Variants in COPB2 observed in about 807,000 individuals in gnomAD.
COPB2 encodes the protein coat protein complex I subunit beta 2.
Under a neutral mutation model 120.8 loss-of-function variants are expected in COPB2, and 16 were observed. That is an observed-to-expected ratio of 0.13 (90% CI 0.09 to 0.20). The LOEUF (loss-of-function observed/expected upper bound fraction) is 0.20. Ranked by LOEUF, COPB2 falls within the 10% of genes least tolerant of loss-of-function variation. The pLI, the probability that COPB2 is intolerant of heterozygous loss-of-function variation, is 1.00. For synonymous variants in COPB2, 332 were observed against 366.3 expected (o/e 0.91, Z 1.07); for missense variants, 794 against 1,076.5 (o/e 0.74, Z 3.67).
chr3:139,374,955 G>T (rs1941688864), intron 6 of COPB2, among the ~76,000 whole-genome samples: 1 of 152,042 alleles, frequency 6.6e-6, no homozygotes, highest in South Asian at 2.1e-4. Flanking sequence ...TTTTATTCTG[G>T]ATTTAAGTAC....
intron 7 of COPB2, among the ~76,000 whole-genome samples, chr3:139,374,018 T>TA (rs1941672711): frequency 1.3e-5 from 2 of 152,246 alleles, no homozygotes; most frequent in South Asian, 4.1e-4. Flanking sequence ...AACTAAGAAT[T>TA]ACGATTTTAA....
At chr3:139,363,244 C>T (rs1941457021) in intron 15 of COPB2, among the ~76,000 whole-genome samples, 1 of 152,186 alleles carries the variant, frequency 6.6e-6, no homozygotes, top group African/African-American at 2.4e-5. Flanking sequence ...AACAACCAGT[C>T]TGTGGCCTGT....
chr3:139,369,361 T>C lies in COPB2; in HGVS notation c.1301A>G (p.Tyr434Cys). ...TCTGACTCCCAATAAGAAGCCGCCGTAGATACCTAAAGGGAACATAAAAAG... is the reference window on the plus strand; with the variant it reads ...TCTGACTCCCAATAAGAAGCCGCCGCAGATACCTAAAGGGAACATAAAAAG... ...FKPDFGAESI[Y>C]GGFLLGVRSV... is the part of the protein sequence containing the mutation. The change falls in exon 12 of 22, where the codon TAC becomes TGC. Residue 434 changes from tyrosine (Y) to cysteine (C), a missense_variant. By Grantham distance (194) the Tyr-to-Cys change is radical. Around this residue, in one of 3 missense-constraint regions of COPB2, gnomAD observed 610 missense variants for 866.7 expected, o/e 0.70. Coordinates refer to ENST00000333188, the MANE Select transcript of COPB2 (RefSeq NM_004766.3). 2.5e-6 allele frequency: 4 copies of C among 1,613,262 alleles called. No homozygotes were observed. Among genetic ancestry groups the C allele is most frequent in the Non-Finnish European group, 2.5e-6 (3 of 1,179,598 alleles).
chr3:139,386,677 A>G (rs1433137640), intron 1 of COPB2, among the ~76,000 whole-genome samples: 2 of 152,166 alleles, frequency 1.3e-5, no homozygotes, highest in Non-Finnish European at 2.9e-5. Flanking sequence ...AGAGTCTATT[A>G]TGTACCAGGC....
chr3:139,368,122 G>GA, intron 13 of COPB2, 23 bp downstream of exon 13: 2 of 1,597,416 alleles, frequency 1.3e-6, no homozygotes, highest in Non-Finnish European at 1.7e-6. Flanking sequence ...AGCTGAAAGC[G>GA]AAAGTTGTGC....
In COPB2 at chr3:139,369,448, A is replaced by G. The variant is rs1941583310; in HGVS notation, c.1294+8T>C. ...TTTAAAAATGTATCATATGTAGATC[A>G]CACTCACTTTCTGCTCCAAAATCTG... On this transcript the variant is annotated splice_region_variant and intron_variant, in intron 11 of 21. Coordinates refer to ENST00000333188, the MANE Select transcript of COPB2 (RefSeq NM_004766.3). The G allele has an allele frequency of 6.2e-7, 1 of 1,607,780 alleles. No individual in the cohort carries two copies. Among genetic ancestry groups the G allele is most frequent in the Non-Finnish European group, 8.5e-7 (1 of 1,176,700 alleles).
intron 10 of COPB2, among the ~76,000 whole-genome samples, chr3:139,370,743 G>A (rs1019208766): frequency 2.0e-5 from 3 of 152,210 alleles, no homozygotes; most frequent in Non-Finnish European, 2.9e-5. Flanking sequence ...GCTGAGCAAG[G>A]TCTTGGCTGG....
At chr3:139,360,191 G>A (rs1427737542) in intron 17 of COPB2, among the ~76,000 whole-genome samples, 2 of 30,516 alleles carry the variant, frequency 6.6e-5, no homozygotes. Context: ...GTATGGGATT[G>A]TAAAAAAAAA....
chr3:139,361,494 ACAAAT>A (rs1941419386), intron 16 of COPB2, among the ~76,000 whole-genome samples, 199 bp from the exon 17 acceptor site: 1 of 151,158 alleles, frequency 6.6e-6, no homozygotes, highest in African/African-American at 2.5e-5. Context: ...GAATTTAAAC[ACAAAT>A]CAATTTTAAT....
intron 20 of COPB2, chr3:139,358,484 C>T (rs1244199061): frequency 1.7e-6 from 1 of 601,850 alleles, no homozygotes; most frequent in Non-Finnish European, 2.9e-6. Context: ...CGAGACCATC[C>T]TGGCTAATGC....
In COPB2 at chr3:139,362,532, A is replaced by T. The variant is rs779026005; in HGVS notation, c.1885-15T>A. On this transcript the variant is annotated splice_polypyrimidine_tract_variant and intron_variant, in intron 15 of 21. Coordinates refer to ENST00000333188, the MANE Select transcript of COPB2 (RefSeq NM_004766.3). ...TGCTTGAAGCCCTAAACAGATTTTTAAAAATTATATATATTTATGCATACA... is the reference window on the plus strand; with the variant it reads ...TGCTTGAAGCCCTAAACAGATTTTTTAAAATTATATATATTTATGCATACA... 4.5e-6 allele frequency: 7 copies of T among 1,550,398 alleles called. No individual in the cohort carries two copies. The African/African-American group carries it at 5.5e-5, about 12-fold the overall frequency.
At chr3:139,361,929 G>A (rs1941426652) in intron 16 of COPB2, among the ~76,000 whole-genome samples, 1 of 152,222 alleles carries the variant, frequency 6.6e-6, no homozygotes, top group Non-Finnish European at 1.5e-5. Flanking sequence ...GATGTGCTAA[G>A]AGCATCTGCT....
At chr3:139,362,312 T>C (rs1941435137) in intron 16 of COPB2, 95 bp downstream of exon 16, 3 of 700,182 alleles carry the variant, frequency 4.3e-6, no homozygotes, top group Non-Finnish European at 6.7e-6. Context: ...TAATTTGCAT[T>C]TGGGAAAACT....
chr3:139,387,208 C>CTCA (rs1941941050), intron 1 of COPB2, among the ~76,000 whole-genome samples: 2 of 144,742 alleles, frequency 1.4e-5, no homozygotes, highest in African/African-American at 5.1e-5. Context: ...GAGATTCTGT[C>CTCA]AAGAAAGAAA....
intron 16 of COPB2, 143 bp downstream of exon 16, chr3:139,362,264 G>C (rs554537118): frequency 2.1e-6 from 1 of 469,184 alleles, no homozygotes; most frequent in East Asian, 3.4e-5. Context: ...CTTTTAAAAA[G>C]ATAAGAGAGA....
chr3:139,369,441 G>T lies in COPB2; in HGVS notation c.1294+15C>A. ...CAAAGAATTTAAAAATGTATCATAT[G>T]TAGATCACACTCACTTTCTGCTCCA... On this transcript the variant is annotated intron_variant, in intron 11 of 21. Transcript: ENST00000333188. 6.2e-7 allele frequency: 1 copy of T among 1,606,442 alleles called. No homozygotes were observed. The highest frequency in any genetic ancestry group is 8.5e-7 in the Non-Finnish European group (1 of 1,175,486).
chr3:139,357,986 A>G (rs200420446), intron 21 of COPB2, 28 bp from the exon 22 acceptor site: 2 of 1,344,816 alleles, frequency 1.5e-6, no homozygotes, highest in East Asian at 2.3e-5. Flanking sequence ...AGGGTAATTA[A>G]GTTTTACAGT....
intron 1 of COPB2, among the ~76,000 whole-genome samples, chr3:139,387,164 T>C (rs1434014543): frequency 1.3e-5 from 2 of 150,956 alleles, no homozygotes; most frequent in Non-Finnish European, 2.9e-5. Flanking sequence ...TGAGCCACGA[T>C]TGCACCACTG....
At chr3:139,371,983 A>G in intron 9 of COPB2, 150 bp from the exon 10 acceptor site, 1 of 597,900 alleles carries the variant, frequency 1.7e-6, no homozygotes, top group Admixed American at 3.5e-5. Context: ...AAAGTTATAC[A>G]TTTCTTTGAA....
Sources: allele counts gnomAD v4.1 joint callset (sites outside exome capture counted in the v4.1 genomes callset), GRCh38; gene constraint gnomAD v4.1.1; regional missense constraint gnomAD v4.1.1; transcripts MANE v1.5; gene names NCBI Gene and HGNC (gene_info 2026-07-23, HGNC 2026-07-21).